The following SCN8A variants were observed in gnomAD, a reference collection of about 807,000 sequenced individuals.
SCN8A encodes sodium channel protein type 8 subunit alpha.
In SCN8A, 30 loss-of-function variants were observed where a neutral mutation model predicts 184.1. The ratio of observed to expected loss-of-function variants is 0.16; its 90% CI spans 0.12 to 0.22. SCN8A has a LOEUF of 0.22. SCN8A is among the 10% of genes least tolerant of loss of function. SCN8A has a pLI of 1.00. For missense variants in SCN8A, 1,057 were observed against 2,498.9 expected, an observed-to-expected ratio of 0.42 and a Z score of 12.30; for synonymous variants, 852 against 907.0, an observed-to-expected ratio of 0.94 and a Z score of 1.09.
chr12:51,690,475 T>C (rs1443428737), intron 6 of SCN8A, among the ~76,000 whole-genome samples: 1 of 152,074 alleles, frequency 6.6e-6, no homozygotes, highest in Non-Finnish European at 1.5e-5. Context: ...TTCTCAGCCT[T>C]CCAAGTAGCT....
chr12:51,738,824 T>C (rs1942369951), intron 12 of SCN8A, among the ~76,000 whole-genome samples: 2 of 152,232 alleles, frequency 1.3e-5, no homozygotes, highest in African/African-American at 4.8e-5. Flanking sequence ...CAGACTCCTG[T>C]TGGGACCTTT....
At chr12:51,784,696 C>T (rs1938034760) in intron 21 of SCN8A, among the ~76,000 whole-genome samples, 1 of 152,038 alleles carries the variant, frequency 6.6e-6, no homozygotes, top group African/African-American at 2.4e-5. Flanking sequence ...TTCATTTGAT[C>T]AAATGGATCA....
At chr12:51,596,630 C>A (rs887921229) in intron 1 of SCN8A, among the ~76,000 whole-genome samples, 1 of 151,866 alleles carries the variant, frequency 6.6e-6, no homozygotes. Context: ...GGCAAAAGTG[C>A]CTTTGAAGGA....
chr12:51,614,682 C>T (rs1939793892), intron 1 of SCN8A, among the ~76,000 whole-genome samples: 1 of 152,022 alleles, frequency 6.6e-6, no homozygotes, highest in African/African-American at 2.4e-5. Flanking sequence ...TTTTTCTGAT[C>T]CAGGATCCGG....
chr12:51,626,812 A>C (rs945363478), intron 1 of SCN8A, among the ~76,000 whole-genome samples: 2 of 149,888 alleles, frequency 1.3e-5, no homozygotes, highest in Admixed American at 1.3e-4. Flanking sequence ...TAAATTATTA[A>C]TTGATATTTA....
Position 51,772,986 on chromosome 12 carries a change from A to G in SCN8A, c.3646-1203A>G, listed in dbSNP as rs112758609. ...AAAAAAATTAGCCGGGTGTGGTGGC[A>G]TGTGCCTGTAGTCCCAGCTACTCGG... On this transcript the variant is annotated intron_variant, in intron 19 of 26. Coordinates refer to ENST00000627620, the MANE Select transcript of SCN8A (RefSeq NM_001330260.2). 7.7e-3 allele frequency among the ~76,000 whole-genome samples: 1,169 copies of G among 151,726 alleles called. 17 individuals are homozygous for G. Among genetic ancestry groups the G allele is most frequent in the African/African-American group, 0.026 (1,048 of 41,086 alleles).
intron 2 of SCN8A, among the ~76,000 whole-genome samples, chr12:51,673,343 G>C (rs1463890268): frequency 1.8e-4 from 27 of 152,178 alleles, no homozygotes; most frequent in Admixed American, 1.8e-3. Context: ...TTGAGCATCT[G>C]TGGATTTTGG....
At chr12:51,797,174 A>C (rs989685591) in intron 26 of SCN8A, among the ~76,000 whole-genome samples, 1 of 152,162 alleles carries the variant, frequency 6.6e-6, no homozygotes, top group African/African-American at 2.4e-5. Context: ...CTTAATCTCC[A>C]AATAAATACA....
At chr12:51,722,216 T>A (rs1452741098) in intron 12 of SCN8A, 15 of 493,408 alleles carry the variant, frequency 3.0e-5, no homozygotes, top group Non-Finnish European at 4.3e-5. Flanking sequence ...ATCAACTCCT[T>A]CCTTTATTTT....
At chr12:51,665,954 C>CA (rs1941025048) in intron 2 of SCN8A, among the ~76,000 whole-genome samples, 1 of 152,024 alleles carries the variant, frequency 6.6e-6, no homozygotes, top group South Asian at 2.1e-4. Context: ...CCCAGCTACT[C>CA]AGGAGGCTGA....
At chr12:51,804,955 TAG>T (rs35541813) in intron 26 of SCN8A, among the ~76,000 whole-genome samples, 92,510 of 151,854 alleles carry the variant, frequency 0.61, 30,968 homozygotes, top group Non-Finnish European at 0.76. Context: ...TTGCTAGCAT[TAG>T]AGAATAAGTA....
chr12:51,679,111 C>A (rs550807287), intron 2 of SCN8A, among the ~76,000 whole-genome samples: 14 of 151,560 alleles, frequency 9.2e-5, no homozygotes, highest in Non-Finnish European at 1.8e-4. Flanking sequence ...AATAAAGCTA[C>A]TCACCCCAGG....
At chr12:51,672,827 C>G (rs1214693389) in intron 2 of SCN8A, among the ~76,000 whole-genome samples, 2 of 152,192 alleles carry the variant, frequency 1.3e-5, no homozygotes, top group Admixed American at 6.5e-5. Flanking sequence ...CTAGGGATAT[C>G]TCAGTATAAT....
At chr12:51,669,096 A>G (rs1177824536) in intron 2 of SCN8A, among the ~76,000 whole-genome samples, 1 of 152,230 alleles carries the variant, frequency 6.6e-6, no homozygotes, top group African/African-American at 2.4e-5. Context: ...ATAGCTAAAC[A>G]TAGAAAAGGT....
chr12:51,674,533 C>T (rs1036954766), intron 2 of SCN8A, among the ~76,000 whole-genome samples: 2 of 152,114 alleles, frequency 1.3e-5, no homozygotes, highest in Admixed American at 1.3e-4. Context: ...CGGGGTTTTG[C>T]CATGTTGACC....
intron 26 of SCN8A, among the ~76,000 whole-genome samples, chr12:51,799,902 G>C (rs950054136): frequency 3.3e-5 from 5 of 152,190 alleles, no homozygotes; most frequent in African/African-American, 1.2e-4. Flanking sequence ...GAGGTAGAAG[G>C]TCCCTGAATT....
At chr12:51,686,525 C>T in intron 4 of SCN8A, 68 bp downstream of exon 4, 1 of 1,074,882 alleles carries the variant, frequency 9.3e-7, no homozygotes, top group Non-Finnish European at 1.4e-6. Flanking sequence ...CTTGCTTTGC[C>T]ACAGTTTACC....
intron 11 of SCN8A, among the ~76,000 whole-genome samples, chr12:51,720,981 CTCTTG>C (rs1489171890): frequency 1.3e-5 from 2 of 150,632 alleles, no homozygotes; most frequent in Non-Finnish European, 3.0e-5. Context: ...GCAGGAGAAG[CTCTTG>C]AACCCAGGAG....
chr12:51,624,060 C>T (rs1232122028), intron 1 of SCN8A, among the ~76,000 whole-genome samples: 1 of 152,122 alleles, frequency 6.6e-6, no homozygotes, highest in African/African-American at 2.4e-5. Flanking sequence ...TGAATAGTGC[C>T]ACAATAAACA....
Sources: allele counts gnomAD v4.1 joint callset (sites outside exome capture counted in the v4.1 genomes callset), GRCh38; gene constraint gnomAD v4.1.1; transcripts MANE v1.5; gene names NCBI Gene and HGNC (gene_info 2026-07-23, HGNC 2026-07-21).